VIT: variants seen among roughly 807,000 people sequenced by gnomAD.
The protein encoded by VIT is vitrin.
A neutral mutation model predicts 78.0 loss-of-function variants in VIT; 99 were observed. That is an observed-to-expected ratio of 1.27 (90% confidence interval 1.08 to 1.50). VIT has a LOEUF of 1.50. Ranked by LOEUF, VIT falls within the 40% of genes most tolerant of loss-of-function variation. The pLI, the probability that VIT is intolerant of heterozygous loss-of-function variation, is 0.00. For synonymous variants in VIT, 374 were observed against 334.3 expected (o/e 1.12, Z -1.29); for missense variants, 1,126 against 875.3 (o/e 1.29, Z -3.61).
chr2:36,782,697 G>A (rs1165822619), intron 10 of VIT, among the ~76,000 whole-genome samples: 1 of 152,160 alleles, frequency 6.6e-6, no homozygotes, highest in Admixed American at 6.5e-5. Context: ...TGGCTCTAAA[G>A]ACACCCCCTT....
At chr2:36,753,540 T>C (rs1668591115) in intron 4 of VIT, among the ~76,000 whole-genome samples, 1 of 152,168 alleles carries the variant, frequency 6.6e-6, no homozygotes, top group Non-Finnish European at 1.5e-5. Context: ...AATCAGAGTT[T>C]AAGTTGTGAG....
intron 3 of VIT, among the ~76,000 whole-genome samples, chr2:36,739,154 TTATG>T (rs1235256458): frequency 2.1e-4 from 22 of 103,606 alleles, no homozygotes; most frequent in Admixed American, 1.6e-3. Flanking sequence ...GTGATTTTTT[TTATG>T]TTATAATTCT....
intron 6 of VIT, among the ~76,000 whole-genome samples, chr2:36,760,964 T>C (rs975202677): frequency 9.9e-5 from 15 of 151,690 alleles, no homozygotes; most frequent in African/African-American, 3.4e-4. Flanking sequence ...CCCCTCCCCC[T>C]CTCAGAGATC....
intron 13 of VIT, among the ~76,000 whole-genome samples, chr2:36,802,510 A>T (rs1380746119): frequency 6.6e-6 from 1 of 152,214 alleles, no homozygotes; most frequent in Non-Finnish European, 1.5e-5. Context: ...TGACCAGAAC[A>T]TTAGTATCTA....
At chr2:36,809,967 G>T (rs1047681765) in intron 15 of VIT, among the ~76,000 whole-genome samples, 2 of 140,862 alleles carry the variant, frequency 1.4e-5, no homozygotes, top group Non-Finnish European at 3.0e-5. Flanking sequence ...CTCCAGCCTG[G>T]GCAACAGAGC....
intron 12 of VIT, chr2:36,787,648 A>G: frequency 3.0e-6 from 1 of 328,840 alleles, no homozygotes; most frequent in Non-Finnish European, 5.8e-6. Context: ...TAGATCATGA[A>G]GGTTGGATCT....
intron 6 of VIT, among the ~76,000 whole-genome samples, chr2:36,761,114 T>C (rs1405331523): frequency 6.6e-6 from 1 of 152,204 alleles, no homozygotes; most frequent in Non-Finnish European, 1.5e-5. Context: ...GCGAGCTCTG[T>C]TGCTGTATTG....
At chr2:36,743,399 G>T in intron 4 of VIT, 143 bp downstream of exon 4, 1 of 982,990 alleles carries the variant, frequency 1.0e-6, no homozygotes, top group Non-Finnish European at 1.4e-6. Context: ...CATTTAAAAA[G>T]TGCTTTTACT....
At chr2:36,812,962 A>G (rs1293117542) in intron 15 of VIT, among the ~76,000 whole-genome samples, 17 of 146,108 alleles carry the variant, frequency 1.2e-4, no homozygotes, top group Non-Finnish European at 1.9e-4. Flanking sequence ...CTGAGGTTCA[A>G]GTGATTCTCC....
intron 6 of VIT, among the ~76,000 whole-genome samples, chr2:36,760,124 A>G (rs1354716650): frequency 6.6e-6 from 1 of 151,846 alleles, no homozygotes; most frequent in East Asian, 1.9e-4. Flanking sequence ...CCTCCCGAGT[A>G]GCTGTGACTA....
intron 2 of VIT, among the ~76,000 whole-genome samples, chr2:36,724,081 C>T (rs923233350): frequency 1.8e-4 from 27 of 151,048 alleles, no homozygotes; most frequent in Admixed American, 1.5e-3. Context: ...TGCAGTGGTG[C>T]GATCTCGGCT....
intron 6 of VIT, chr2:36,759,775 T>A (rs1329442274): frequency 1.6e-6 from 1 of 629,222 alleles, no homozygotes; most frequent in Non-Finnish European, 2.0e-6. Context: ...GTGAACACGG[T>A]TTAAGAATAG....
chr2:36,774,604 C>T (rs1558560820), intron 8 of VIT: 1 of 985,338 alleles, frequency 1.0e-6, no homozygotes, highest in Non-Finnish European at 1.2e-6. Context: ...TTGCTTGCTA[C>T]TGGATAGGAA....
chr2:36,726,599 C>G (rs914426539), intron 2 of VIT, among the ~76,000 whole-genome samples: 10 of 152,072 alleles, frequency 6.6e-5, no homozygotes, highest in Non-Finnish European at 1.2e-4. Flanking sequence ...AGGTGGATCA[C>G]CTGAGGTCAG....
Position 36,787,387 on chromosome 2 carries a change from A to G in VIT, c.1058+111A>G, listed in dbSNP as rs1262203388. The G allele has an allele frequency of 5.1e-5, 70 of 1,383,060 alleles. No homozygotes were observed. The Middle Eastern group carries it at 7.4e-4, about 15-fold the overall frequency. 85.7% of individuals were successfully genotyped at this position (1,383,060 alleles called of 1,614,324 possible). Reference sequence around the variant, plus strand: ...ATATTACCAACATGTCCTTGAGCACAGATTTGTTCTCTTCCCTAATGCAAA... The same window carrying G: ...ATATTACCAACATGTCCTTGAGCACGGATTTGTTCTCTTCCCTAATGCAAA... On this transcript the variant is annotated intron_variant, in intron 12 of 15. Transcript: ENST00000379242.
chr2:36,706,248 G>A (rs1665411277), intron 1 of VIT, among the ~76,000 whole-genome samples: 2 of 152,112 alleles, frequency 1.3e-5, no homozygotes, highest in Admixed American at 1.3e-4. Context: ...CAAAAGACAA[G>A]CACATGTGTC....
intron 4 of VIT, among the ~76,000 whole-genome samples, chr2:36,744,064 G>A (rs58723182): frequency 6.6e-6 from 1 of 151,984 alleles, no homozygotes; most frequent in Non-Finnish European, 1.5e-5. Flanking sequence ...GCAATATTTG[G>A]TGTTCTGTCT....
chr2:36,706,219 C>A (rs1665409914), intron 1 of VIT, among the ~76,000 whole-genome samples: 1 of 152,150 alleles, frequency 6.6e-6, no homozygotes, highest in Admixed American at 6.5e-5. Flanking sequence ...TCTCTAGGGA[C>A]CTTCTGCTTT....
At chr2:36,699,914 A>T (rs975944329) in intron 1 of VIT, among the ~76,000 whole-genome samples, 2 of 152,176 alleles carry the variant, frequency 1.3e-5, no homozygotes, top group Non-Finnish European at 2.9e-5. Flanking sequence ...CAAGTTACTT[A>T]AAGTCTCTTG....
Sources: gnomAD v4.1 joint callset for allele counts (sites outside exome capture counted in the v4.1 genomes callset) on GRCh38, gnomAD v4.1.1 for gene constraint, MANE v1.5 for transcripts, NCBI Gene and HGNC (gene_info 2026-07-23, HGNC 2026-07-21) for gene names.